ARHGEF4: variants seen among roughly 807,000 people sequenced by gnomAD.
The protein encoded by ARHGEF4 is Rho guanine nucleotide exchange factor 4, also known as APC-stimulated guanine nucleotide exchange factor 1.
A neutral mutation model predicts 162.0 loss-of-function variants in ARHGEF4; 119 were observed. That is an observed-to-expected ratio of 0.73 (90% CI 0.63 to 0.86). ARHGEF4 has a LOEUF of 0.86. ARHGEF4 is among the 40% of genes least tolerant of loss of function. The pLI, the probability that ARHGEF4 is intolerant of heterozygous loss-of-function variation, is 0.00. For synonymous variants in ARHGEF4, 1,014 were observed against 979.9 expected (o/e 1.03, Z -0.65); for missense variants, 2,488 against 2,456.0 (o/e 1.01, Z -0.28).
chr2:131,026,018 TTTCATC>T (rs2105364645), intron 4 of ARHGEF4, among the ~76,000 whole-genome samples: 2 of 152,276 alleles, frequency 1.3e-5, no homozygotes, highest in East Asian at 3.9e-4. Flanking sequence ...GATGCCATCT[TTTCATC>T]TTTTGGAGAC....
intron 4 of ARHGEF4, among the ~76,000 whole-genome samples, chr2:130,961,391 G>A (rs766331191): frequency 4.6e-5 from 7 of 152,176 alleles, no homozygotes; most frequent in Non-Finnish European, 1.0e-4. Context: ...GCCATGAAAA[G>A]CCAAGAGAAG....
intron 1 of ARHGEF4, among the ~76,000 whole-genome samples, chr2:130,882,209 G>A (rs1679238824): frequency 6.6e-6 from 1 of 152,232 alleles, no homozygotes; most frequent in East Asian, 1.9e-4. Context: ...GGACAGAGAG[G>A]AAATCATTTA....
At chr2:131,031,127 T>C (rs1286590693) in intron 5 of ARHGEF4, among the ~76,000 whole-genome samples, 1 of 152,228 alleles carries the variant, frequency 6.6e-6, no homozygotes, top group East Asian at 1.9e-4. Flanking sequence ...TCTTATCTTT[T>C]TGAGCTCTCA....
At chr2:131,017,312 C>T (rs911423787) in intron 4 of ARHGEF4, among the ~76,000 whole-genome samples, 5 of 152,152 alleles carry the variant, frequency 3.3e-5, no homozygotes, top group Admixed American at 6.5e-5. Context: ...GCTTCAGTCC[C>T]GGAGTCCTTC....
chr2:130,994,492 C>T (rs1687252845), intron 4 of ARHGEF4, among the ~76,000 whole-genome samples: 1 of 152,186 alleles, frequency 6.6e-6, no homozygotes, highest in African/African-American at 2.4e-5. Context: ...GCATTTACCC[C>T]TTCCTGACTT....
At chr2:130,978,621 C>T (rs542432591) in intron 4 of ARHGEF4, among the ~76,000 whole-genome samples, 1 of 152,180 alleles carries the variant, frequency 6.6e-6, no homozygotes, top group African/African-American at 2.4e-5. Flanking sequence ...TTACACATTG[C>T]CATGAATGAA....
chr2:130,884,750 G>A (rs938920516), intron 1 of ARHGEF4, among the ~76,000 whole-genome samples: 16 of 152,104 alleles, frequency 1.1e-4, no homozygotes, highest in Admixed American at 3.9e-4. Context: ...GAAGGGCCAG[G>A]CCCTCATTAT....
intron 4 of ARHGEF4, among the ~76,000 whole-genome samples, chr2:130,980,923 C>T (rs1361097788): frequency 6.6e-6 from 1 of 152,150 alleles, no homozygotes; most frequent in Non-Finnish European, 1.5e-5. Flanking sequence ...TTTTCTTCAC[C>T]ACCTAAAGGA....
At chr2:130,992,716 A>C (rs562198380) in intron 4 of ARHGEF4, among the ~76,000 whole-genome samples, 15 of 152,354 alleles carry the variant, frequency 9.8e-5, no homozygotes, top group African/African-American at 3.6e-4. Context: ...AGTGCAAGCC[A>C]GGAGAGAATG....
chr2:130,916,796 T>C lies in ARHGEF4; in HGVS notation c.2850T>C (p.Gly950=), dbSNP rs1322557688. 17 of 1,550,258 alleles carry C rather than the reference T, an allele frequency of 1.1e-5. No homozygotes were observed. Among genetic ancestry groups the C allele is most frequent in the Non-Finnish European group, 1.3e-5 (15 of 1,146,962 alleles). The change falls in exon 2 of 14, where the codon GGT becomes GGC. Residue 950 remains glycine, a synonymous_variant. Transcript: ENST00000409359. Reference sequence around the variant, plus strand: ...AGGAGAAGAGCAGGCTGCGCCAGGGTTCCTGGCGGGCGTTTCTGAAAAGCA... The same window carrying C: ...AGGAGAAGAGCAGGCTGCGCCAGGGCTCCTGGCGGGCGTTTCTGAAAAGCA... The part of the protein sequence containing the change: ...GEKEKSRLRQ[G]SWRAFLKSKD...
intron 1 of ARHGEF4, among the ~76,000 whole-genome samples, chr2:130,841,343 C>T (rs1400897852): frequency 6.6e-6 from 1 of 150,558 alleles, no homozygotes; most frequent in East Asian, 1.9e-4. Flanking sequence ...GGATTACAAG[C>T]ATGAGCCACC....
At chr2:130,905,899 G>A (rs1457276178) in intron 1 of ARHGEF4, among the ~76,000 whole-genome samples, 4 of 152,172 alleles carry the variant, frequency 2.6e-5, no homozygotes, top group African/African-American at 9.7e-5. Flanking sequence ...TGGGGGTCTT[G>A]GAATGTATCC....
At chr2:130,924,240 T>G (rs1682083330) in intron 2 of ARHGEF4, among the ~76,000 whole-genome samples, 1 of 150,686 alleles carries the variant, frequency 6.6e-6, no homozygotes. Flanking sequence ...AATTTAACCC[T>G]CACAGTTTCA....
chr2:131,046,308 G>A lies in ARHGEF4; in HGVS notation c.*119G>A, dbSNP rs555742643. ...CTGCAAGTGAGCAGGGATGGGCTGG[G>A]GAGTTGCTTGTGCCACCAAGACGTG... On this transcript the variant is annotated 3_prime_UTR_variant, in exon 14 of 14. Coordinates refer to ENST00000409359, the MANE Select transcript of ARHGEF4 (RefSeq NM_001367493.1). 9.2e-7 allele frequency: 1 copy of A among 1,086,666 alleles called. No individual in the cohort carries two copies. The highest frequency in any genetic ancestry group is 1.3e-6 in the Non-Finnish European group (1 of 766,278). 67.3% of individuals were successfully genotyped at this position (1,086,666 alleles called of 1,614,324 possible).
At position 130,914,868 on chromosome 2, in the gene ARHGEF4, C is replaced by T. The variant is rs993341270; in HGVS notation, c.922C>T (p.Arg308Cys). ...GACATCTTGCCTCCTACGCACCAAC[C>T]GTCACCATAGTGCCCCAGAAACTAC... The part of the protein sequence containing the change: ...LRTSCLLRTN[R>C]HHSAPETTGD... The change falls in exon 2 of 14, where the codon CGT (arginine) becomes TGT (cysteine). Residue 308 changes from arginine (R) to cysteine (C), a missense_variant. By Grantham distance (180) the Arg-to-Cys change is radical. Coordinates refer to ENST00000409359, the MANE Select transcript of ARHGEF4 (RefSeq NM_001367493.1). The T allele has an allele frequency of 4.7e-6, 7 of 1,484,224 alleles. No homozygotes were observed. In the Admixed American group the frequency reaches 7.1e-5, roughly 15 times the overall value. The allele number at this position is 1,484,224 out of a possible 1,614,324, so 91.9% of individuals were successfully genotyped here.
chr2:130,987,233 T>G (rs940100075), intron 4 of ARHGEF4, among the ~76,000 whole-genome samples: 16 of 152,226 alleles, frequency 1.1e-4, no homozygotes, highest in Non-Finnish European at 2.2e-4. Flanking sequence ...CCTTCCCAGA[T>G]TCCAGAAGGA....
At chr2:131,032,248 T>C (rs1303030490) in intron 5 of ARHGEF4, among the ~76,000 whole-genome samples, 1 of 151,706 alleles carries the variant, frequency 6.6e-6, no homozygotes, top group East Asian at 2.0e-4. Context: ...GGGACAGATG[T>C]CCCCAGGGCA....
rs2105054449 is a variant in ARHGEF4 at position 130,915,091 on chromosome 2, C to T, written c.1145C>T (p.Ala382Val). The stretch of plus-strand genomic sequence containing the variant: ...AGAATACAAAACATCCCTTCCCCTG[C>T]ACCCACCCAGCTGTCTGGCCCGATT... ...DPRIQNIPSP[A>V]PTQLSGPIPA... Residue 382 changes from alanine (A) to valine (V), a missense_variant, in exon 2 of 14, where the codon GCA (alanine) becomes GTA (valine). This residue lies in a region of ARHGEF4 where 1,642 missense variants were observed against 1,481.5 expected (regional missense o/e 1.11). Transcript: ENST00000409359. 1 of 1,550,724 alleles carries T rather than the reference C, an allele frequency of 6.4e-7. No homozygotes were observed. Among genetic ancestry groups the T allele is most frequent in the South Asian group, 1.2e-5 (1 of 84,058 alleles).
intron 4 of ARHGEF4, among the ~76,000 whole-genome samples, chr2:130,981,712 C>T (rs1319093203): frequency 6.6e-6 from 1 of 151,766 alleles, no homozygotes; most frequent in African/African-American, 2.4e-5. Context: ...ACAGACCCCC[C>T]ATTCTTTTCC....
Sources: gnomAD v4.1 joint callset for allele counts (sites outside exome capture counted in the v4.1 genomes callset) on GRCh38, gnomAD v4.1.1 for gene constraint, gnomAD v4.1.1 regional missense constraint, MANE v1.5 for transcripts, NCBI Gene and HGNC (gene_info 2026-07-23, HGNC 2026-07-21) for gene names.